Variants in COL6A3 observed in about 807,000 individuals in gnomAD.
The protein encoded by COL6A3 is collagen alpha-3(VI) chain.
Under a neutral mutation model 274.1 loss-of-function variants are expected in COL6A3, and 137 were observed. That is an observed-to-expected ratio of 0.50 (90% CI 0.44 to 0.58). COL6A3 has a LOEUF of 0.58. COL6A3 is among the 20% of genes least tolerant of loss of function. The pLI is 0.00. For missense variants in COL6A3, 3,950 were observed against 4,124.9 expected (o/e 0.96, Z 1.16); for synonymous variants, 1,650 against 1,650.6 (o/e 1.00, Z 0.01).
chr2:237,408,669 A>G (rs1168795174), intron 1 of COL6A3, among the ~76,000 whole-genome samples: 1 of 152,196 alleles, frequency 6.6e-6, no homozygotes, highest in Admixed American at 6.5e-5. Flanking sequence ...CCTAATGTAT[A>G]GCACACACAG....
chr2:237,336,321 T>A lies in COL6A3; in HGVS notation c.8779A>T (p.Met2927Leu). ...PVAAKPVATKMATVRPPVAVK... is the reference protein window; with the variant it reads ...PVAAKPVATKLATVRPPVAVK... ...GCCACTGGGGGTCTAACAGTGGCCATCTTTGTGGCCACAGGCTTGGCAGCC... is the reference window on the plus strand; with the variant it reads ...GCCACTGGGGGTCTAACAGTGGCCAACTTTGTGGCCACAGGCTTGGCAGCC... Residue 2927 changes from methionine to leucine, a missense_variant, in exon 40 of 44, where the codon ATG becomes TTG. By Grantham distance (15) the Met-to-Leu change is conservative (BLOSUM62 2). This residue lies in a region of COL6A3 where 1,284 missense variants were observed against 1,349.7 expected (regional missense o/e 0.95). Transcript: ENST00000295550. 3.1e-6 allele frequency: 5 copies of A among 1,613,294 alleles called. No individual in the cohort carries two copies. The highest frequency in any genetic ancestry group is 1.3e-5 in the African/African-American group (1 of 75,022).
chr2:237,372,349 AT>A lies in COL6A3; in HGVS notation c.3680-13del. On this transcript the variant is annotated splice_polypyrimidine_tract_variant and intron_variant, in intron 8 of 43. Transcript: ENST00000295550. ...CTTGCCACCAACACCTGCGAAACAA[AT>A]GTGAGCATGGCTTCACCTTCATCGT... 1 of 1,602,536 alleles carries A rather than the reference AT, an allele frequency of 6.2e-7. No homozygotes were observed. Among genetic ancestry groups the A allele is most frequent in the Non-Finnish European group, 8.5e-7 (1 of 1,179,982 alleles).
At chr2:237,412,409 G>T (rs553999133) in intron 1 of COL6A3, among the ~76,000 whole-genome samples, 4 of 152,208 alleles carry the variant, frequency 2.6e-5, no homozygotes, top group Non-Finnish European at 4.4e-5. Context: ...GGGATCCTCC[G>T]TCACTGGCTT....
At position 237,358,553 on chromosome 2, in the gene COL6A3, C is replaced by G; in HGVS notation, c.6439G>C (p.Glu2147Gln). ...CCTCGAATCCCAACATCTCCTCTTTCTCCTTTCTCTCCTCGAGGTCCTTTA... is the reference window on the plus strand; with the variant it reads ...CCTCGAATCCCAACATCTCCTCTTTGTCCTTTCTCTCCTCGAGGTCCTTTA... ...GDKGPRGEKGERGDVGIRGDP... is the reference protein window; with the variant it reads ...GDKGPRGEKGQRGDVGIRGDP... Residue 2147 changes from glutamate (E) to glutamine (Q), a missense_variant, in exon 21 of 44, where the codon GAA (glutamate) becomes CAA (glutamine). Around this residue, in one of 5 missense-constraint regions of COL6A3, gnomAD observed 1,284 missense variants for 1,349.7 expected, o/e 0.95. Transcript: ENST00000295550. The G allele has an allele frequency of 1.9e-6, 3 of 1,614,086 alleles. No homozygotes were observed. The highest frequency in any genetic ancestry group is 1.1e-5 in the South Asian group (1 of 91,078).
rs780201464 is a variant in COL6A3 at position 237,381,181 on chromosome 2, C to T, written c.1631G>A (p.Arg544Gln). 7 of 1,614,240 alleles carry T rather than the reference C, an allele frequency of 4.3e-6. No homozygotes were observed. The highest frequency in any genetic ancestry group is 1.6e-4 in the Middle Eastern group (1 of 6,062). ...NNLFTSSAGY[R>Q]AAEGIPKLLV... ...AAGCTTAGGAATCCCCTCGGCAGCC[C>T]GGTAGCCGGCTGAACTCGTGAATAG... Residue 544 changes from arginine (R) to glutamine (Q), a missense_variant, in exon 5 of 44, where the codon CGG becomes CAG. Coordinates refer to ENST00000295550, the MANE Select transcript of COL6A3 (RefSeq NM_004369.4).
At position 237,345,063 on chromosome 2, in the gene COL6A3, T is replaced by G; in HGVS notation, c.7157A>C (p.Lys2386Thr). The G allele has an allele frequency of 6.2e-7, 1 of 1,614,196 alleles. No homozygotes were observed. The highest frequency in any genetic ancestry group is 8.5e-7 in the Non-Finnish European group (1 of 1,180,014). The change falls in exon 34 of 44, where the codon AAA becomes ACA. Residue 2386 changes from lysine to threonine, a missense_variant. Physicochemically the swap from Lys to Thr is moderately conservative, Grantham distance 78. Transcript: ENST00000295550. ...ACAGAAAATCATGTACTTACGGCAT[T>G]TATCTTTGATGCTTTGGATGAGGGC... ...QCALIQSIKDKCPCCYGPLEC... is the reference protein window; with the variant it reads ...QCALIQSIKDTCPCCYGPLEC...
In COL6A3 at chr2:237,386,222, A is replaced by G. The variant is rs889193876; in HGVS notation, c.1312+1360T>C. Among the ~76,000 whole-genome samples, 2 of 152,354 alleles carry G rather than the reference A, an allele frequency of 1.3e-5. 1 individual carries two copies. The highest frequency in any genetic ancestry group is 4.8e-5 in the African/African-American group (2 of 41,580). ...GTGTTGCCTTTACATGAATGCAGCA[A>G]CTAGAACTAATGATTAGCAAGGCAC... On this transcript the variant is annotated intron_variant, in intron 4 of 43. Coordinates refer to ENST00000295550, the MANE Select transcript of COL6A3 (RefSeq NM_004369.4).
rs190042039 is a variant in COL6A3 at position 237,403,080 on chromosome 2, A to T, written c.-30-6233T>A. ...TGGACCACTTAGCAAAGGTACAGGG[A>T]GAGCCACAGAGAGTGATTGAGGCTG... On this transcript the variant is annotated intron_variant, in intron 1 of 43. Transcript: ENST00000295550. 7.9e-5 allele frequency among the ~76,000 whole-genome samples: 12 copies of T among 152,286 alleles called. No individual in the cohort carries two copies. The East Asian group carries it at 2.1e-3, about 27-fold the overall frequency.
intron 11 of COL6A3, 69 bp downstream of exon 11, chr2:237,366,618 G>A: frequency 6.2e-7 from 1 of 1,612,174 alleles, no homozygotes; most frequent in Middle Eastern, 1.7e-4. Flanking sequence ...CAGCACCAGG[G>A]ACCAGACAGC....
intron 14 of COL6A3, 26 bp downstream of exon 14, chr2:237,363,227 T>C (rs2077477133): frequency 6.2e-7 from 1 of 1,608,134 alleles, no homozygotes; most frequent in East Asian, 2.2e-5. Flanking sequence ...CACTGGTCTG[T>C]GTATAAAGAC....
At position 237,372,121 on chromosome 2, in the gene COL6A3, A is replaced by C. The variant is rs550965984; in HGVS notation, c.3896T>G (p.Val1299Gly). The C allele has an allele frequency of 2.5e-6, 4 of 1,613,922 alleles. No homozygotes were observed. The highest frequency in any genetic ancestry group is 8.5e-7 in the Non-Finnish European group (1 of 1,180,038). The change falls in exon 9 of 44, where the codon GTG becomes GGG. Residue 1299 changes from valine to glycine, a missense_variant. Transcript: ENST00000295550. ...HSSKDEVQNA[V>G]QRLRPKGGRQ... Reference sequence around the variant, plus strand: ...CCCTCCCTTGGGCCTCAGCCGCTGCACCGCGTTCTGCACTTCATCCTTGCT... The same window carrying C: ...CCCTCCCTTGGGCCTCAGCCGCTGCCCCGCGTTCTGCACTTCATCCTTGCT...
rs2077707526 is a variant in COL6A3 at position 237,372,117 on chromosome 2, C to T, written c.3900G>A (p.Gln1300=). ...GCCGCCCTCCCTTGGGCCTCAGCCG[C>T]TGCACCGCGTTCTGCACTTCATCCT... ...SSKDEVQNAV[Q]RLRPKGGRQI... Residue 1300 remains glutamine (Q), a synonymous_variant, in exon 9 of 44, where the codon CAG becomes CAA. Transcript: ENST00000295550. 1 of 1,613,964 alleles carries T rather than the reference C, an allele frequency of 6.2e-7. No homozygotes were observed. The highest frequency in any genetic ancestry group is 1.3e-5 in the African/African-American group (1 of 74,922).
At chr2:237,341,849 AT>A (rs1180414218) in intron 37 of COL6A3, among the ~76,000 whole-genome samples, 1 of 152,232 alleles carries the variant, frequency 6.6e-6, no homozygotes, top group African/African-American at 2.4e-5. Flanking sequence ...TACCTATAAA[AT>A]GAATTATCCG....
chr2:237,329,400 C>G (rs1260363689), intron 42 of COL6A3: 1 of 152,198 alleles, frequency 6.6e-6, no homozygotes, highest in African/African-American at 2.4e-5. Flanking sequence ...AAATTTTACT[C>G]TTTCAGATCT....
chr2:237,357,063 A>T (rs1254249710), intron 23 of COL6A3: 8 of 547,822 alleles, frequency 1.5e-5, no homozygotes, highest in Non-Finnish European at 2.6e-5. Flanking sequence ...TAGTTGGATC[A>T]AACCTGGCCC....
At position 237,324,283 on chromosome 2, in the gene COL6A3, C is replaced by G. The variant is rs1699818671; in HGVS notation, c.*491G>C. On this transcript the variant is annotated 3_prime_UTR_variant, in exon 44 of 44. Coordinates refer to ENST00000295550, the MANE Select transcript of COL6A3 (RefSeq NM_004369.4). ...CAGAAAAAGAAAATTAGCTTGAAAT[C>G]TAGTCTGGGAAATTGGGGGCAGGGA... 1 of 158,182 alleles carries G rather than the reference C, an allele frequency of 6.3e-6. No individual in the cohort carries two copies. The highest frequency in any genetic ancestry group is 1.9e-4 in the South Asian group (1 of 5,292). 9.8% of individuals were successfully genotyped at this position (158,182 alleles called of 1,614,324 possible).
intron 23 of COL6A3, 179 bp from the exon 24 acceptor site, chr2:237,355,113 A>G (rs928957223): frequency 1.7e-6 from 1 of 590,388 alleles, no homozygotes; most frequent in Non-Finnish European, 3.1e-6. Context: ...AAACTCGCAC[A>G]CACAGACACC....
chr2:237,386,454 T>C (rs952084495), intron 4 of COL6A3: 1 of 152,228 alleles, frequency 6.6e-6, no homozygotes, highest in Non-Finnish European at 1.5e-5. Context: ...ACAATATTTA[T>C]CTTGTAGACC....
intron 23 of COL6A3, chr2:237,357,135 G>A: frequency 2.9e-6 from 2 of 699,634 alleles, no homozygotes; most frequent in Non-Finnish European, 5.2e-6. Flanking sequence ...TTTTTGGGGA[G>A]AGCAAGAATT....
Sources: allele counts gnomAD v4.1 joint callset (sites outside exome capture counted in the v4.1 genomes callset), GRCh38; gene constraint gnomAD v4.1.1; regional missense constraint gnomAD v4.1.1; transcripts MANE v1.5; gene names NCBI Gene and HGNC (gene_info 2026-07-23, HGNC 2026-07-21).